Variants in CERS3 observed in about 807,000 individuals in gnomAD.
CERS3 encodes the protein LAG1 homolog, ceramide synthase 3.
Under a neutral mutation model 50.3 loss-of-function variants are expected in CERS3, and 33 were observed. The ratio of observed to expected loss-of-function variants is 0.66; its 90% CI spans 0.50 to 0.88. The LOEUF (loss-of-function observed/expected upper bound fraction) is 0.88, where lower values mean the gene tolerates loss of function less well. Ranked by LOEUF, CERS3 falls within the 40% of genes least tolerant of loss-of-function variation. CERS3 has a pLI of 0.00. For missense variants in CERS3, 470 were observed against 460.3 expected (o/e 1.02, Z -0.19); for synonymous variants, 176 against 155.2 (o/e 1.13, Z -0.99).
At chr15:100,409,315 T>A (rs77646249) in intron 11 of CERS3, among the ~76,000 whole-genome samples, 2,485 of 152,328 alleles carry the variant, frequency 0.016, 29 homozygotes, top group Admixed American at 0.027. Context: ...ATTTCATTTT[T>A]AAAATGATGG....
chr15:100,457,635 GC>G (rs1462250628), intron 10 of CERS3, among the ~76,000 whole-genome samples: 2 of 152,186 alleles, frequency 1.3e-5, no homozygotes, highest in African/African-American at 4.8e-5. Flanking sequence ...AAATATTCAT[GC>G]AGATATTTAT....
chr15:100,500,432 C>G (rs2035962260), intron 3 of CERS3: 1 of 152,210 alleles, frequency 6.6e-6, no homozygotes, highest in Non-Finnish European at 1.5e-5. Context: ...TCTTTGGCAA[C>G]CTAAAGATGT....
chr15:100,440,083 C>T (rs931955875), intron 11 of CERS3, among the ~76,000 whole-genome samples: 7 of 152,150 alleles, frequency 4.6e-5, no homozygotes, highest in Admixed American at 2.6e-4. Context: ...ATAAGGGAAC[C>T]GTTTCTCCAT....
chr15:100,442,176 T>C (rs1179930571), intron 11 of CERS3, among the ~76,000 whole-genome samples: 1 of 152,156 alleles, frequency 6.6e-6, no homozygotes, highest in African/African-American at 2.4e-5. Context: ...AGGCTCTTTT[T>C]CATCAAATAT....
chr15:100,493,408 C>A (rs2035709173), intron 3 of CERS3, among the ~76,000 whole-genome samples: 1 of 152,152 alleles, frequency 6.6e-6, no homozygotes, highest in Admixed American at 6.5e-5. Context: ...GAAATCGATT[C>A]CTAATCATAA....
intron 8 of CERS3, 151 bp downstream of exon 8, chr15:100,475,935 T>A: frequency 2.6e-6 from 1 of 391,422 alleles, no homozygotes; most frequent in Non-Finnish European, 4.7e-6. Flanking sequence ...ATGAGTATAA[T>A]TAGCAATATT....
intron 4 of CERS3, among the ~76,000 whole-genome samples, chr15:100,488,395 T>C (rs1341195450): frequency 6.6e-6 from 1 of 152,216 alleles, no homozygotes; most frequent in African/African-American, 2.4e-5. Flanking sequence ...TTTTTTTTAG[T>C]GGTAATACCC....
intron 11 of CERS3, among the ~76,000 whole-genome samples, chr15:100,439,015 T>C (rs1478274700): frequency 6.6e-6 from 1 of 152,250 alleles, no homozygotes; most frequent in Non-Finnish European, 1.5e-5. Flanking sequence ...CAGCCTGTCA[T>C]ATTTTCTGAT....
Position 100,402,808 on chromosome 15 carries a change from C to T in CERS3, c.1057G>A (p.Glu353Lys). Residue 353 changes from glutamate (E) to lysine (K), a missense_variant, in exon 12 of 12, where the codon GAA (glutamate) becomes AAA (lysine). Glu to Lys is a moderately conservative substitution (Grantham distance 56). Transcript: ENST00000679737. ...TCTTTGCCTTTGGTAGCCTCTTCTT[C>T]TTCCTCTTCCTCTTCCTCTTCATAA... ...EDYEEEEEEE[E>K]EEATKGKEMD... The T allele has an allele frequency of 5.6e-6, 9 of 1,612,222 alleles. No individual in the cohort carries two copies. The highest frequency in any genetic ancestry group is 7.6e-6 in the Non-Finnish European group (9 of 1,179,214).
At position 100,428,677 on chromosome 15, in the gene CERS3, G is replaced by A. The variant is rs572173055; in HGVS notation, c.1000-25812C>T. ...AAATCCTTTTAATACCCTGTGCCCTGTGCAAGACATTGGAGATATAATGGT... is the reference window on the plus strand; with the variant it reads ...AAATCCTTTTAATACCCTGTGCCCTATGCAAGACATTGGAGATATAATGGT... On this transcript the variant is annotated intron_variant, in intron 11 of 11. Coordinates refer to ENST00000679737, the MANE Select transcript of CERS3 (RefSeq NM_001378789.1). 1.3e-3 allele frequency among the ~76,000 whole-genome samples: 197 copies of A among 152,332 alleles called. 1 individual carries two copies. The highest frequency in any genetic ancestry group is 2.1e-3 in the Non-Finnish European group (141 of 68,032).
chr15:100,432,520 A>G (rs1260980935), intron 11 of CERS3, among the ~76,000 whole-genome samples: 1 of 152,234 alleles, frequency 6.6e-6, no homozygotes, highest in Non-Finnish European at 1.5e-5. Context: ...ACTAACAGCA[A>G]TGGAAAACTA....
chr15:100,535,813 C>T lies in CERS3; in HGVS notation c.-354-6738G>A, dbSNP rs111501162. 2.1e-4 allele frequency among the ~76,000 whole-genome samples: 20 copies of T among 95,586 alleles called. 1 individual carries two copies. Among genetic ancestry groups the T allele is most frequent in the African/African-American group, 6.4e-4 (16 of 24,896 alleles). 62.7% of individuals were successfully genotyped at this position (95,586 alleles called of 152,430 possible). A position where few individuals can be genotyped will look rare whatever the true frequency, so the allele number is the denominator to read the frequency against. On this transcript the variant is annotated intron_variant, in intron 1 of 12. Transcript: ENST00000284382. ...GGACATCCCTATGCTCATATGTGCA[C>T]GGGAAGTGGGGACATCCCTATGCTC...
At position 100,490,875 on chromosome 15, in the gene CERS3, A is replaced by G; in HGVS notation, c.230T>C (p.Val77Ala). ...ATTCTCTAAGACAGTATTTGGTGTA[A>G]CCTTTCGAACTGTCTCTTTAATGCC... Reference protein sequence around the residue: ...SFGIKETVRKVTPNTVLENFF... With the variant: ...SFGIKETVRKATPNTVLENFF... Residue 77 changes from valine to alanine, a missense_variant, in exon 4 of 12, where the codon GTT becomes GCT. Coordinates refer to ENST00000679737, the MANE Select transcript of CERS3 (RefSeq NM_001378789.1). The G allele has an allele frequency of 6.2e-7, 1 of 1,612,322 alleles. No homozygotes were observed. The highest frequency in any genetic ancestry group is 8.5e-7 in the Non-Finnish European group (1 of 1,179,248).
At chr15:100,421,757 C>A (rs1430208844) in intron 11 of CERS3, among the ~76,000 whole-genome samples, 1 of 138,218 alleles carries the variant, frequency 7.2e-6, no homozygotes, top group Non-Finnish European at 1.6e-5. Flanking sequence ...TGTAACAGAA[C>A]AGAGCCCTCA....
At chr15:100,411,649 T>C (rs2031498830) in intron 11 of CERS3, among the ~76,000 whole-genome samples, 1 of 152,186 alleles carries the variant, frequency 6.6e-6, no homozygotes, top group African/African-American at 2.4e-5. Flanking sequence ...TTCAATTCTT[T>C]TAGATATATA....
Position 100,472,869 on chromosome 15 carries a change from T to C in CERS3, c.738+55A>G, listed in dbSNP as rs1437695075. 2.5e-6 allele frequency: 4 copies of C among 1,609,850 alleles called. No homozygotes were observed. In the African/African-American group the frequency reaches 5.3e-5, roughly 22 times the overall value. ...TGCTCACAATTACTTCTGTGAGCAG[T>C]TACGGAAACCCAGGACATGGTATTG... On this transcript the variant is annotated intron_variant, in intron 9 of 11. Coordinates refer to ENST00000679737, the MANE Select transcript of CERS3 (RefSeq NM_001378789.1).
At chr15:100,447,429 A>C (rs1003543230) in intron 11 of CERS3, among the ~76,000 whole-genome samples, 3 of 152,170 alleles carry the variant, frequency 2.0e-5, no homozygotes, top group Non-Finnish European at 4.4e-5. Flanking sequence ...CTGATGACTT[A>C]TATCTCCCTA....
At position 100,479,363 on chromosome 15, in the gene CERS3, T is replaced by C. The variant is rs566184807; in HGVS notation, c.516+65A>G. The C allele has an allele frequency of 5.7e-6, 7 of 1,236,698 alleles. No homozygotes were observed. In the East Asian group the frequency reaches 1.6e-4, roughly 29 times the overall value. 76.6% of individuals were successfully genotyped at this position (1,236,698 alleles called of 1,614,324 possible). ...GAGTAGCAGGGGACCAAGACGTAACTAAGGAGATAATTTGAGGGATCTTGG... is the reference window on the plus strand; with the variant it reads ...GAGTAGCAGGGGACCAAGACGTAACCAAGGAGATAATTTGAGGGATCTTGG... On this transcript the variant is annotated intron_variant, in intron 7 of 11. Coordinates refer to ENST00000679737, the MANE Select transcript of CERS3 (RefSeq NM_001378789.1).
intron 11 of CERS3, among the ~76,000 whole-genome samples, chr15:100,455,655 C>T (rs1409738733): frequency 6.6e-6 from 1 of 152,036 alleles, no homozygotes; most frequent in Non-Finnish European, 1.5e-5. Flanking sequence ...GAAGTTTTGA[C>T]ATTTTAAAAA....
Sources: allele counts gnomAD v4.1 joint callset (sites outside exome capture counted in the v4.1 genomes callset), GRCh38; gene constraint gnomAD v4.1.1; transcripts MANE v1.5; gene names NCBI Gene and HGNC (gene_info 2026-07-23, HGNC 2026-07-21).